Variants in ARFGEF1 observed in about 807,000 individuals in gnomAD.
ARFGEF1 encodes the protein brefeldin A-inhibited guanine nucleotide-exchange protein 1.
Under a neutral mutation model 231.0 loss-of-function variants are expected in ARFGEF1, and 42 were observed. The ratio of observed to expected loss-of-function variants is 0.18; its 90% CI spans 0.14 to 0.24. The LOEUF (loss-of-function observed/expected upper bound fraction) is 0.24, where lower values mean the gene tolerates loss of function less well. ARFGEF1 is among the 10% of genes least tolerant of loss of function. The probability of loss-of-function intolerance (pLI) is 1.00; values close to 1 mark genes in which losing one functional copy is unlikely to be tolerated. For missense variants in ARFGEF1, 1,345 were observed against 2,192.0 expected (o/e 0.61, Z 7.72); for synonymous variants, 710 against 732.3 (o/e 0.97, Z 0.49).
chr8:67,295,674 G>A (rs12682412), intron 5 of ARFGEF1, among the ~76,000 whole-genome samples: 43,097 of 151,972 alleles, frequency 0.28, 6,238 homozygotes, highest in East Asian at 0.38. Flanking sequence ...AACACAATGT[G>A]GGATCCTGGG....
At chr8:67,179,973 C>G (rs763917990) in intron 5 of ARFGEF1, 9 of 1,052,840 alleles carry the variant, frequency 8.5e-6, no homozygotes, top group Non-Finnish European at 1.2e-5. Flanking sequence ...AATATTAAAC[C>G]TTTCTCCACA....
rs756829603 is a variant in ARFGEF1 at position 67,228,206 on chromosome 8, A to C, written c.3421+18T>G. ...AGCCCCAAGCCAGTTCCGAAGTAGA[A>C]TAAATGCCCATACTTACCAATGGCA... On this transcript the variant is annotated intron_variant, in intron 24 of 38. Coordinates refer to ENST00000262215, the MANE Select transcript of ARFGEF1 (RefSeq NM_006421.5). 2.5e-6 allele frequency: 4 copies of C among 1,610,110 alleles called. No homozygotes were observed. The highest frequency in any genetic ancestry group is 3.4e-6 in the Non-Finnish European group (4 of 1,178,166).
At chr8:67,262,062 T>C (rs1447755494) in intron 14 of ARFGEF1, among the ~76,000 whole-genome samples, 4 of 152,148 alleles carry the variant, frequency 2.6e-5, no homozygotes, top group Non-Finnish European at 4.4e-5. Context: ...TGTAGAGAGC[T>C]GCCTTATAGT....
At chr8:67,343,107 G>GCCCCCCCCC in intron 1 of ARFGEF1, 57 bp downstream of exon 1, 1 of 426,112 alleles carries the variant, frequency 2.3e-6, no homozygotes, top group Non-Finnish European at 3.5e-6. Context: ...CCCCACAGGC[G>GCCCCCCCCC]CCCCCCTCCC....
Position 67,296,552 on chromosome 8 carries a change from T to C in ARFGEF1, c.518A>G (p.Gln173Arg), listed in dbSNP as rs147785456. ...GATATTGTAACATGTTCTCACAGCTTGCAGTACAGTCCCTTCATGAATTTC... is the reference window on the plus strand; with the variant it reads ...GATATTGTAACATGTTCTCACAGCTCGCAGTACAGTCCCTTCATGAATTTC... ...HIEIHEGTVL[Q>R]AVRTCYNIYL... is the part of the protein sequence containing the mutation. The change falls in exon 5 of 39, where the codon CAA (glutamine) becomes CGA (arginine). Residue 173 changes from glutamine to arginine, a missense_variant. Coordinates refer to ENST00000262215, the MANE Select transcript of ARFGEF1 (RefSeq NM_006421.5). The C allele has an allele frequency of 4.3e-6, 7 of 1,614,008 alleles. No homozygotes were observed. The Admixed American group carries it at 8.3e-5, about 19-fold the overall frequency.
chr8:67,233,217 T>C (rs567234218), intron 22 of ARFGEF1, among the ~76,000 whole-genome samples: 13 of 152,122 alleles, frequency 8.5e-5, no homozygotes, highest in Non-Finnish European at 1.6e-4. Context: ...CACAAAATTA[T>C]AGATATTAGA....
chr8:67,301,646 GCTT>G (rs1174126653), intron 2 of ARFGEF1, among the ~76,000 whole-genome samples: 3 of 152,168 alleles, frequency 2.0e-5, no homozygotes, highest in African/African-American at 4.8e-5. Context: ...AATTCAAGTT[GCTT>G]CTATTACAGA....
intron 34 of ARFGEF1, among the ~76,000 whole-genome samples, chr8:67,207,376 T>C (rs1206345211): frequency 6.6e-6 from 1 of 152,130 alleles, no homozygotes; most frequent in Non-Finnish European, 1.5e-5. Flanking sequence ...CCCCAAGAAT[T>C]TGGCAGATGA....
chr8:67,311,172 C>T (rs541025632), intron 1 of ARFGEF1, among the ~76,000 whole-genome samples: 4,466 of 148,276 alleles, frequency 0.03, 82 homozygotes, highest in Middle Eastern at 0.068. Flanking sequence ...CGCCTCTGCC[C>T]GGCCGCCCCC....
intron 5 of ARFGEF1, 31 bp from the exon 6 acceptor site, chr8:67,292,154 A>T: frequency 6.3e-7 from 1 of 1,587,618 alleles, no homozygotes; most frequent in Non-Finnish European, 8.6e-7. Context: ...CAATATTAGT[A>T]AAATAAGTTG....
intron 19 of ARFGEF1, among the ~76,000 whole-genome samples, chr8:67,243,785 G>T (rs62513133): frequency 6.6e-6 from 1 of 152,092 alleles, no homozygotes; most frequent in Non-Finnish European, 1.5e-5. Flanking sequence ...GACCAATCCT[G>T]GAGAAAGAGA....
At chr8:67,206,395 G>C (rs1838519117) in intron 34 of ARFGEF1, among the ~76,000 whole-genome samples, 1 of 140,838 alleles carries the variant, frequency 7.1e-6, no homozygotes, top group Non-Finnish European at 1.5e-5. Context: ...GGGCAACAGA[G>C]CCAGATTTTA....
At chr8:67,202,282 T>TG (rs1454111272) in intron 36 of ARFGEF1, among the ~76,000 whole-genome samples, 1 of 152,122 alleles carries the variant, frequency 6.6e-6, no homozygotes, top group Non-Finnish European at 1.5e-5. Context: ...TTTTAAGAGA[T>TG]GGGGTCTCAC....
chr8:67,300,238 T>C (rs1041897064), intron 3 of ARFGEF1, among the ~76,000 whole-genome samples: 2 of 152,208 alleles, frequency 1.3e-5, no homozygotes, highest in Admixed American at 6.5e-5. Context: ...CAGATGAACT[T>C]ATCTTTAACC....
chr8:67,190,768 G>A lies in ARFGEF1; in HGVS notation c.560+9628C>T. 6.4e-7 allele frequency: 1 copy of A among 1,571,272 alleles called. No individual in the cohort carries two copies. Among genetic ancestry groups the A allele is most frequent in the Admixed American group, 1.7e-5 (1 of 59,956 alleles). ...GGAAAGGACTAGACATTGTATGTAT[G>A]AGACTTTTCTCCCCCTTTTCAACTT... is the stretch of plus-strand genomic sequence containing the variant. On this transcript the variant is annotated intron_variant, in intron 5 of 5. Transcript: ENST00000518789.
chr8:67,211,471 G>A lies in ARFGEF1; in HGVS notation c.4819+12C>T. 9 of 1,550,244 alleles carry A rather than the reference G, an allele frequency of 5.8e-6. No homozygotes were observed. The highest frequency in any genetic ancestry group is 7.8e-6 in the Non-Finnish European group (9 of 1,153,534). ...AAACACAAATTTATTTTTATTTAGA[G>A]AAATAACTCACTTGCTGTAGATTTA... On this transcript the variant is annotated intron_variant, in intron 34 of 38. Coordinates refer to ENST00000262215, the MANE Select transcript of ARFGEF1 (RefSeq NM_006421.5).
chr8:67,305,134 A>G (rs2128918015), intron 1 of ARFGEF1, among the ~76,000 whole-genome samples: 1 of 152,340 alleles, frequency 6.6e-6, no homozygotes, highest in Non-Finnish European at 1.5e-5. Flanking sequence ...GTGTTTTGAT[A>G]CCAAATATCA....
intron 15 of ARFGEF1, among the ~76,000 whole-genome samples, chr8:67,258,973 G>A (rs143430502): frequency 2.0e-5 from 3 of 151,836 alleles, no homozygotes; most frequent in East Asian, 1.9e-4. Context: ...ACCTACACAC[G>A]TCCTCCCATA....
At chr8:67,294,749 G>A (rs1208194605) in intron 5 of ARFGEF1, among the ~76,000 whole-genome samples, 1 of 152,054 alleles carries the variant, frequency 6.6e-6, no homozygotes, top group Non-Finnish European at 1.5e-5. Flanking sequence ...GAATTGAGTG[G>A]GACGGAAGGG....
Sources: gnomAD v4.1 joint callset for allele counts (sites outside exome capture counted in the v4.1 genomes callset) on GRCh38, gnomAD v4.1.1 for gene constraint, MANE v1.5 for transcripts, NCBI Gene and HGNC (gene_info 2026-07-23, HGNC 2026-07-21) for gene names.